TYW1: variants seen among roughly 807,000 people sequenced by gnomAD.
The protein encoded by TYW1 is tRNA-yW synthesizing protein 1 homolog.
TYW1 carries 46 observed loss-of-function variants against 96.2 expected under a neutral mutation model. The ratio of observed to expected loss-of-function variants is 0.48; its 90% CI spans 0.38 to 0.61. The LOEUF (loss-of-function observed/expected upper bound fraction) is 0.61. TYW1 is among the 20% of genes least tolerant of loss of function. TYW1 has a pLI of 0.00. For missense variants in TYW1, 684 were observed against 909.6 expected (o/e 0.75, Z 3.19); for synonymous variants, 274 against 323.0 (o/e 0.85, Z 1.63).
intron 13 of TYW1, among the ~76,000 whole-genome samples, chr7:67,178,338 C>A (rs1350639435): frequency 6.6e-6 from 1 of 152,196 alleles, no homozygotes; most frequent in East Asian, 1.9e-4. Context: ...AAGTACCATG[C>A]ACTCTACTGG....
chr7:66,996,917 C>G lies in TYW1; in HGVS notation c.-62C>G. On this transcript the variant is annotated 5_prime_UTR_variant, in exon 1 of 16. Coordinates refer to ENST00000359626, the MANE Select transcript of TYW1 (RefSeq NM_018264.4). ...AGGTAGCTCGGTGCGTCTCGCGGTACCAGTGCGAATCATCGGGCTATCCAG... is the reference window on the plus strand; with the variant it reads ...AGGTAGCTCGGTGCGTCTCGCGGTAGCAGTGCGAATCATCGGGCTATCCAG... 1.2e-6 allele frequency: 2 copies of G among 1,612,610 alleles called. No individual in the cohort carries two copies. The highest frequency in any genetic ancestry group is 1.6e-4 in the Middle Eastern group (1 of 6,062).
chr7:67,164,474 G>C (rs1228663071), intron 13 of TYW1, among the ~76,000 whole-genome samples: 1 of 152,070 alleles, frequency 6.6e-6, no homozygotes, highest in Non-Finnish European at 1.5e-5. Context: ...GGCTGGATGT[G>C]ATGGCATGTG....
At chr7:67,170,547 A>G (rs2116258080) in intron 13 of TYW1, among the ~76,000 whole-genome samples, 1 of 152,306 alleles carries the variant, frequency 6.6e-6, no homozygotes. Flanking sequence ...TTTAACATGA[A>G]CAACGAAGTG....
At chr7:67,055,395 G>A (rs1177536357) in intron 8 of TYW1, among the ~76,000 whole-genome samples, 1 of 152,010 alleles carries the variant, frequency 6.6e-6, no homozygotes, top group Non-Finnish European at 1.5e-5. Context: ...ACAGGAGTTC[G>A]AGACCAGCCT....
At chr7:67,119,635 T>C (rs1185959897) in intron 13 of TYW1, among the ~76,000 whole-genome samples, 1 of 152,228 alleles carries the variant, frequency 6.6e-6, no homozygotes, top group Non-Finnish European at 1.5e-5. Context: ...TACAATTAGC[T>C]GCCCCTTTTT....
intron 12 of TYW1, among the ~76,000 whole-genome samples, chr7:67,105,044 G>C (rs1797194127): frequency 6.6e-6 from 1 of 152,262 alleles, no homozygotes; most frequent in Non-Finnish European, 1.5e-5. Context: ...CAGCTATGCT[G>C]CACTTTATCA....
At chr7:67,225,017 C>T (rs755190330) in intron 15 of TYW1, among the ~76,000 whole-genome samples, 60 of 151,880 alleles carry the variant, frequency 4.0e-4, no homozygotes, top group Admixed American at 2.0e-4. Flanking sequence ...ATGGCAAAAC[C>T]CCATCTTTAC....
chr7:67,086,718 G>A (rs1022239839), intron 11 of TYW1, among the ~76,000 whole-genome samples: 2 of 151,990 alleles, frequency 1.3e-5, no homozygotes, highest in Non-Finnish European at 2.9e-5. Context: ...ACATTATGAC[G>A]GGCAATCTAC....
chr7:67,183,268 G>A (rs1301251890), intron 14 of TYW1, 32 bp downstream of exon 14: 2 of 1,572,724 alleles, frequency 1.3e-6, no homozygotes, highest in Non-Finnish European at 1.7e-6. Flanking sequence ...TGGCTGTGGT[G>A]GAGTGACAAA....
intron 13 of TYW1, among the ~76,000 whole-genome samples, chr7:67,165,607 C>T (rs4718469): frequency 0.28 from 42,525 of 151,678 alleles, 6,471 homozygotes; most frequent in African/African-American, 0.4. Context: ...TCATTTTATC[C>T]GTGAATACTT....
At chr7:67,075,760 G>T (rs1796182593) in intron 10 of TYW1, among the ~76,000 whole-genome samples, 1 of 152,162 alleles carries the variant, frequency 6.6e-6, no homozygotes, top group South Asian at 2.1e-4. Flanking sequence ...AAGGGGATAG[G>T]GTTTCTTTTT....
chr7:67,014,181 TTTTC>T (rs1453818721), intron 4 of TYW1, among the ~76,000 whole-genome samples, 182 bp from the exon 5 acceptor site: 1 of 152,126 alleles, frequency 6.6e-6, no homozygotes, highest in Non-Finnish European at 1.5e-5. Context: ...AGGGACTGGG[TTTTC>T]TCCCCCGTGC....
chr7:67,009,984 T>C (rs1793736476), intron 4 of TYW1, among the ~76,000 whole-genome samples: 1 of 140,574 alleles, frequency 7.1e-6, no homozygotes, highest in Admixed American at 7.2e-5. Context: ...TTTTTTCTTT[T>C]CTTTTTTTTT....
At chr7:67,164,608 C>CAAA (rs68160921) in intron 13 of TYW1, among the ~76,000 whole-genome samples, 110 of 113,872 alleles carry the variant, frequency 9.7e-4, no homozygotes, top group African/African-American at 3.0e-3. Context: ...AAAACTGTCT[C>CAAA]AAAAAAAAAA....
At position 67,103,553 on chromosome 7, in the gene TYW1, G is replaced by A. The variant is rs188926866; in HGVS notation, c.1562+4835G>A. Among the ~76,000 whole-genome samples, 13 of 152,188 alleles carry A rather than the reference G, an allele frequency of 8.5e-5. 1 individual carries two copies. The highest frequency in any genetic ancestry group is 1.9e-4 in the East Asian group (1 of 5,176). ...TACTTTCAGGACTTGAGGCCTCTCC[G>A]AATTAAACTAAGGACGCTCCCTGCC... is the stretch of plus-strand genomic sequence containing the variant. On this transcript the variant is annotated intron_variant, in intron 12 of 15. Transcript: ENST00000359626.
rs557973924 is a variant in TYW1, at chr7:67,051,738, T to G, written c.1102+1672T>G. Among the ~76,000 whole-genome samples, 13 of 151,674 alleles carry G rather than the reference T, an allele frequency of 8.6e-5. No homozygotes were observed. In the East Asian group the frequency reaches 9.7e-4, roughly 11 times the overall value. ...GGACTGTTTTTGTTTTTTTGTTTTTTTTTTTTTTTCTAATTTAAGCTTACC... is the reference window on the plus strand; with the variant it reads ...GGACTGTTTTTGTTTTTTTGTTTTTGTTTTTTTTTCTAATTTAAGCTTACC... On this transcript the variant is annotated intron_variant, in intron 8 of 15. Transcript: ENST00000359626.
intron 7 of TYW1, among the ~76,000 whole-genome samples, chr7:67,043,322 C>A (rs1349840306): frequency 1.4e-5 from 2 of 146,944 alleles, no homozygotes; most frequent in Non-Finnish European, 3.0e-5. Flanking sequence ...TTCTCTTTCT[C>A]TTATGTTGTG....
intron 13 of TYW1, among the ~76,000 whole-genome samples, chr7:67,178,087 C>CT (rs1298098115): frequency 6.6e-6 from 1 of 151,018 alleles, no homozygotes; most frequent in Non-Finnish European, 1.5e-5. Context: ...TCCCTTGAGA[C>CT]TGGGAGGTTG....
At chr7:67,096,460 C>T (rs1354918018) in intron 11 of TYW1, among the ~76,000 whole-genome samples, 1 of 152,134 alleles carries the variant, frequency 6.6e-6, no homozygotes, top group African/African-American at 2.4e-5. Flanking sequence ...CACGCTTCTC[C>T]CCTAGGCCCA....
Sources: gnomAD v4.1 joint callset for allele counts (sites outside exome capture counted in the v4.1 genomes callset) on GRCh38, gnomAD v4.1.1 for gene constraint, MANE v1.5 for transcripts, NCBI Gene and HGNC (gene_info 2026-07-23, HGNC 2026-07-21) for gene names.